Variants in PPP2R2D observed in about 807,000 individuals in gnomAD.
PPP2R2D encodes serine/threonine-protein phosphatase 2A 55 kDa regulatory subunit B delta isoform.
In PPP2R2D, 9 loss-of-function variants were observed where a neutral mutation model predicts 31.1. The ratio of observed to expected loss-of-function variants is 0.29; its 90% confidence interval spans 0.17 to 0.51. The LOEUF (loss-of-function observed/expected upper bound fraction) is 0.51, where lower values mean the gene tolerates loss of function less well. PPP2R2D is among the 20% of genes least tolerant of loss of function. The probability of loss-of-function intolerance (pLI) is 0.98; values close to 1 mark genes in which losing one functional copy is unlikely to be tolerated. For missense variants in PPP2R2D, 391 were observed against 465.6 expected (o/e 0.84, Z 1.48); for synonymous variants, 179 against 172.6 (o/e 1.04, Z -0.29).
At position 131,940,473 on chromosome 10, in the gene PPP2R2D, C is replaced by T. The variant is rs1242440783; in HGVS notation, c.365-109C>T. ...ATATTCATGTTCAGAGACCCCATAG[C>T]TTATAACCCAATATAGGACCACACC... On this transcript the variant is annotated intron_variant, in intron 4 of 8. Coordinates refer to ENST00000455566, the MANE Select transcript of PPP2R2D (RefSeq NM_018461.5). 7.9e-6 allele frequency: 5 copies of T among 632,128 alleles called. No individual in the cohort carries two copies. In the Admixed American group the frequency reaches 1.1e-4, roughly 14 times the overall value. The allele number at this position is 632,128 out of a possible 1,614,324, so 39.2% of individuals were successfully genotyped here.
intron 6 of PPP2R2D, among the ~76,000 whole-genome samples, 187 bp downstream of exon 6, chr10:131,944,332 C>T (rs1554897624): frequency 6.6e-6 from 1 of 152,182 alleles, no homozygotes; most frequent in African/African-American, 2.4e-5. Flanking sequence ...TTTCTTTCTA[C>T]CTTTGGGAAA....
At position 131,908,750 on chromosome 10, in the gene PPP2R2D, T is replaced by C. The variant is rs995552954; in HGVS notation, c.100+7420T>C. Among the ~76,000 whole-genome samples, 23 of 152,342 alleles carry C rather than the reference T, an allele frequency of 1.5e-4. 1 individual carries two copies. Among genetic ancestry groups the C allele is most frequent in the African/African-American group, 5.5e-4 (23 of 41,586 alleles). The stretch of plus-strand genomic sequence containing the variant: ...GGAAAGCTCTGACAAACAAACACGT[T>C]AACTGGTAACTGTTCAGAGGCTGTT... On this transcript the variant is annotated intron_variant, in intron 2 of 8. Coordinates refer to ENST00000455566, the MANE Select transcript of PPP2R2D (RefSeq NM_018461.5).
Position 131,956,346 on chromosome 10 carries a change from T to C in PPP2R2D, c.*383T>C. 1 of 988,514 alleles carries C rather than the reference T, an allele frequency of 1.0e-6. No homozygotes were observed. Among genetic ancestry groups the C allele is most frequent in the South Asian group, 4.7e-5 (1 of 21,334 alleles). 61.2% of individuals were successfully genotyped at this position (988,514 alleles called of 1,614,324 possible). On this transcript the variant is annotated 3_prime_UTR_variant, in exon 9 of 9. Transcript: ENST00000455566. ...TCCAACTTTCCCTCTTTCTCTGCCA[T>C]CACACTTGGGCCTTCACTGCAGCGT...
At chr10:131,961,136 C>T (rs2036914281), downstream of PPP2R2D, among the ~76,000 whole-genome samples, 1 of 152,198 alleles carries the variant, frequency 6.6e-6, no homozygotes, top group South Asian at 2.1e-4. Context: ...CACAGACCAC[C>T]TTCAGACGCT....
At chr10:131,913,199 T>G (rs1371869604) in intron 2 of PPP2R2D, among the ~76,000 whole-genome samples, 1 of 151,014 alleles carries the variant, frequency 6.6e-6, no homozygotes, top group Non-Finnish European at 1.5e-5. Flanking sequence ...TTTTTTTTTT[T>G]TTTGTATTTT....
intron 2 of PPP2R2D, among the ~76,000 whole-genome samples, chr10:131,902,629 A>C (rs2035518682): frequency 6.6e-6 from 1 of 152,310 alleles, no homozygotes. Flanking sequence ...TTGATTTTGC[A>C]TATGCTAAGC....
chr10:131,962,338 G>T (rs188199794), downstream of PPP2R2D, among the ~76,000 whole-genome samples: 6 of 152,070 alleles, frequency 3.9e-5, no homozygotes, highest in African/African-American at 1.4e-4. Flanking sequence ...AGCTCCACGC[G>T]GTCACCTTCA....
At chr10:131,963,559 G>C (rs1437504910), downstream of PPP2R2D, among the ~76,000 whole-genome samples, 1 of 152,188 alleles carries the variant, frequency 6.6e-6, no homozygotes, top group African/African-American at 2.4e-5. Flanking sequence ...GTCTGGGCGG[G>C]CTGTCCACAC....
At position 131,947,483 on chromosome 10, in the gene PPP2R2D, C is replaced by A. The variant is rs200130260; in HGVS notation, c.821-47C>A. 1.1e-5 allele frequency: 17 copies of A among 1,581,890 alleles called. No homozygotes were observed. Among genetic ancestry groups the A allele is most frequent in the Non-Finnish European group, 1.5e-5 (17 of 1,162,192 alleles). ...TACTTGAACTTGAAAATGATTTGTT[C>A]TCTGATTTTTAAACAGAAGCTGAAA... On this transcript the variant is annotated intron_variant, in intron 7 of 8. Transcript: ENST00000455566. This position sits in a 1 kb window ranked among gnomAD's most constrained non-coding sequence, Gnocchi z 4.3.
chr10:131,918,681 T>C (rs550032389), intron 2 of PPP2R2D, among the ~76,000 whole-genome samples: 1 of 147,170 alleles, frequency 6.8e-6, no homozygotes, highest in South Asian at 2.2e-4. Context: ...TGACACAGTG[T>C]AGGGACCTCA....
Position 131,945,057 on chromosome 10 carries a change from G to A in PPP2R2D, c.656-238G>A, listed in dbSNP as rs184380324. ...TTAATAATAGCAGCAAGATGAAAGCGGTGTTCGCTTGTCTGTGTCTCCCCC... is the reference window on the plus strand; with the variant it reads ...TTAATAATAGCAGCAAGATGAAAGCAGTGTTCGCTTGTCTGTGTCTCCCCC... On this transcript the variant is annotated intron_variant, in intron 6 of 8. Coordinates refer to ENST00000455566, the MANE Select transcript of PPP2R2D (RefSeq NM_018461.5). The surrounding 1 kb of genome is among the most constrained non-coding windows in gnomAD (Gnocchi z 4.8). Among the ~76,000 whole-genome samples, 3 of 152,230 alleles carry A rather than the reference G, an allele frequency of 2.0e-5. No homozygotes were observed. The highest frequency in any genetic ancestry group is 2.1e-4 in the South Asian group (1 of 4,828).
intron 2 of PPP2R2D, among the ~76,000 whole-genome samples, chr10:131,924,165 T>C (rs1564815049): frequency 6.6e-6 from 1 of 152,210 alleles, no homozygotes; most frequent in Non-Finnish European, 1.5e-5. Flanking sequence ...AATTTTTAAT[T>C]TTGATGGTGT....
intron 2 of PPP2R2D, among the ~76,000 whole-genome samples, chr10:131,920,888 C>T (rs562121377): frequency 3.3e-5 from 5 of 152,144 alleles, no homozygotes; most frequent in Non-Finnish European, 2.9e-5. Context: ...GCCAAGATTG[C>T]GCCACTGTGC....
rs1554898233 is a variant in PPP2R2D at position 131,947,770 on chromosome 10, G to A, written c.1061G>A (p.Cys354Tyr). The change falls in exon 8 of 9, where the codon TGT (cysteine) becomes TAT (tyrosine). Residue 354 changes from cysteine (C) to tyrosine (Y), a missense_variant. Around this residue, in one of 3 missense-constraint regions of PPP2R2D, gnomAD observed 163 missense variants for 179.5 expected, o/e 0.91. Coordinates refer to ENST00000455566, the MANE Select transcript of PPP2R2D (RefSeq NM_018461.5). This position sits in a 1 kb window ranked among gnomAD's most constrained non-coding sequence, Gnocchi z 4.3. The stretch of plus-strand genomic sequence containing the variant: ...GACTGCATCTTTGACAAGTTTGAGT[G>A]TTGCTGGAACGGTTCGGATAGGTAA... ...ENDCIFDKFE[C>Y]CWNGSDSAIM... is the part of the protein sequence containing the mutation. 6.2e-7 allele frequency: 1 copy of A among 1,614,154 alleles called. No individual in the cohort carries two copies. Among genetic ancestry groups the A allele is most frequent in the Non-Finnish European group, 8.5e-7 (1 of 1,180,006 alleles).
chr10:131,908,613 T>A (rs1035418465), intron 2 of PPP2R2D, among the ~76,000 whole-genome samples: 1 of 152,256 alleles, frequency 6.6e-6, no homozygotes. Flanking sequence ...TTTTTCACCC[T>A]CTTCAGGCTT....
chr10:131,915,461 C>A (rs182294862), intron 2 of PPP2R2D, among the ~76,000 whole-genome samples: 2 of 152,150 alleles, frequency 1.3e-5, no homozygotes, highest in African/African-American at 4.8e-5. Context: ...CACTTAACAA[C>A]GGTCCATCTT....
intron 2 of PPP2R2D, among the ~76,000 whole-genome samples, chr10:131,907,991 C>T (rs955590452): frequency 3.0e-4 from 45 of 152,234 alleles, no homozygotes; most frequent in Middle Eastern, 6.8e-3. Context: ...AGCTTCAGCT[C>T]GCTTATCTAG....
chr10:131,938,719 C>T (rs782353397), intron 3 of PPP2R2D, among the ~76,000 whole-genome samples: 24 of 152,224 alleles, frequency 1.6e-4, no homozygotes, highest in Non-Finnish European at 2.4e-4. Flanking sequence ...CAGCACTGTG[C>T]GGTTGTCTGT....
At chr10:131,909,356 A>C (rs998563534) in intron 2 of PPP2R2D, among the ~76,000 whole-genome samples, 7 of 152,228 alleles carry the variant, frequency 4.6e-5, no homozygotes, top group Admixed American at 2.0e-4. Context: ...GTTTTTAACA[A>C]GGTCACTCTG....
Sources: gnomAD v4.1 joint callset for allele counts (sites outside exome capture counted in the v4.1 genomes callset) on GRCh38, gnomAD v4.1.1 for gene constraint, gnomAD v4.1.1 regional missense constraint, Gnocchi (gnomAD v3.1) non-coding constraint, MANE v1.5 for transcripts, NCBI Gene and HGNC (gene_info 2026-07-23, HGNC 2026-07-21) for gene names.